The following TALDO1 variants were observed in gnomAD, a reference collection of about 807,000 sequenced individuals.
TALDO1 encodes the protein transaldolase 1, also known as transaldolase.
A neutral mutation model predicts 38.1 loss-of-function variants in TALDO1; 29 were observed. The ratio of observed to expected loss-of-function variants is 0.76; its 90% confidence interval spans 0.57 to 1.04. The LOEUF (loss-of-function observed/expected upper bound fraction) is 1.04, where lower values mean the gene tolerates loss of function less well. Among genes scored for constraint, TALDO1 ranks in the 50% least tolerant of loss-of-function variants. The pLI is 0.00. For missense variants in TALDO1, 499 were observed against 438.1 expected, an observed-to-expected ratio of 1.14 and a Z score of -1.24; for synonymous variants, 207 against 176.8, an observed-to-expected ratio of 1.17 and a Z score of -1.36.
At chr11:758,666 A>G (rs1326307431) in intron 2 of TALDO1, among the ~76,000 whole-genome samples, 9 of 150,848 alleles carry the variant, frequency 6.0e-5, no homozygotes, top group Non-Finnish European at 1.0e-4. Flanking sequence ...GTGCAGTGGC[A>G]CGATCTCTGC....
rs771490841 is a variant in TALDO1, at chr11:763,522, G to A, written c.637+3G>A. ...CTATGAGCCCCTGGAAGACCCTGGT[G>A]AGGGTCCCTCTGTGGTAATGGGGTA... is the stretch of plus-strand genomic sequence containing the variant. On this transcript the variant is annotated splice_donor_region_variant and intron_variant, in intron 5 of 7. Transcript: ENST00000319006. 1 of 1,613,748 alleles carries A rather than the reference G, an allele frequency of 6.2e-7. No individual in the cohort carries two copies. Among genetic ancestry groups the A allele is most frequent in the Non-Finnish European group, 8.5e-7 (1 of 1,179,940 alleles).
At chr11:753,503 C>T (rs986291295) in intron 1 of TALDO1, among the ~76,000 whole-genome samples, 3 of 151,234 alleles carry the variant, frequency 2.0e-5, no homozygotes, top group African/African-American at 7.3e-5. Context: ...TGCAGTCCGG[C>T]GTGGGTGAAA....
At chr11:759,102 A>C (rs1862890743) in intron 3 of TALDO1, 45 bp downstream of exon 3, 2 of 1,514,780 alleles carry the variant, frequency 1.3e-6, no homozygotes, top group Non-Finnish European at 1.8e-6. Context: ...TCAGGTGTCC[A>C]CAGTTGCACA....
At chr11:748,031 C>T (rs1182061538) in intron 1 of TALDO1, among the ~76,000 whole-genome samples, 1 of 152,250 alleles carries the variant, frequency 6.6e-6, no homozygotes, top group Non-Finnish European at 1.5e-5. Flanking sequence ...GGGCAGCCCG[C>T]GGGAGCCCCT....
chr11:762,572 A>G (rs1049865324), intron 4 of TALDO1, among the ~76,000 whole-genome samples: 3 of 152,170 alleles, frequency 2.0e-5, no homozygotes, highest in African/African-American at 7.2e-5. Flanking sequence ...CTGTTTCCCA[A>G]CTCAGCTGTG....
intron 1 of TALDO1, among the ~76,000 whole-genome samples, chr11:750,224 A>C (rs537213158): frequency 6.6e-6 from 1 of 152,000 alleles, no homozygotes; most frequent in African/African-American, 2.4e-5. Flanking sequence ...TTCCTTGGCA[A>C]CCTCTAACCT....
intron 4 of TALDO1, 119 bp from the exon 5 acceptor site, chr11:763,222 CCCG>C: frequency 1.5e-5 from 2 of 134,328 alleles, no homozygotes; most frequent in South Asian, 1.7e-4. Flanking sequence ...CTCACCTGCC[CCCG>C]CCCTCACCCG....
At chr11:755,799 G>T in intron 1 of TALDO1, 80 bp from the exon 2 acceptor site, 1 of 1,608,886 alleles carries the variant, frequency 6.2e-7, no homozygotes, top group East Asian at 2.2e-5. Context: ...ACGTCCTGGG[G>T]AATTACAGGG....
intron 1 of TALDO1, among the ~76,000 whole-genome samples, chr11:753,633 A>G (rs1289280583): frequency 6.6e-6 from 1 of 151,754 alleles, no homozygotes; most frequent in Non-Finnish European, 1.5e-5. Context: ...CTGAGGCAGG[A>G]GAATTACTTG....
At chr11:748,116 T>C (rs181240966) in intron 1 of TALDO1, among the ~76,000 whole-genome samples, 1 of 152,274 alleles carries the variant, frequency 6.6e-6, no homozygotes, top group Non-Finnish European at 1.5e-5. Flanking sequence ...AGCTTCGAGC[T>C]GACTTCCACG....
rs1862694240 is a variant in TALDO1 at position 748,387 on chromosome 11, G to A, written c.97+809G>A. Among the ~76,000 whole-genome samples the A allele has an allele frequency of 2.0e-5, 3 of 149,944 alleles. No individual in the cohort carries two copies. The South Asian group carries it at 6.3e-4, about 31-fold the overall frequency. On this transcript the variant is annotated intron_variant, in intron 1 of 7. Transcript: ENST00000319006. Reference sequence around the variant, plus strand: ...TACTGGATTTTCCTGGGCTTGAGTTGTTTACATTGGAGAGAACTTGGAAAA... The same window carrying A: ...TACTGGATTTTCCTGGGCTTGAGTTATTTACATTGGAGAGAACTTGGAAAA...
At chr11:750,336 A>G (rs1055305952) in intron 1 of TALDO1, among the ~76,000 whole-genome samples, 8 of 152,030 alleles carry the variant, frequency 5.3e-5, no homozygotes, top group Non-Finnish European at 1.0e-4. Flanking sequence ...AGGAAGAAAA[A>G]AAAATAGCCA....
At chr11:759,986 G>T in intron 3 of TALDO1, 136 bp from the exon 4 acceptor site, 1 of 1,231,764 alleles carries the variant, frequency 8.1e-7, no homozygotes. Flanking sequence ...CTCCAGTGAG[G>T]GGAAGGTTGA....
chr11:755,766 C>A, intron 1 of TALDO1, 113 bp from the exon 2 acceptor site: 1 of 1,533,634 alleles, frequency 6.5e-7, no homozygotes, highest in South Asian at 1.1e-5. Context: ...ACCCCGCTTT[C>A]GGAAATGCTC....
Position 748,806 on chromosome 11 carries a change from C to A in TALDO1, c.97+1228C>A, listed in dbSNP as rs143264936. Among the ~76,000 whole-genome samples the A allele has an allele frequency of 4.8e-3, 726 of 152,304 alleles. 5 individuals are homozygous for A. Among genetic ancestry groups the A allele is most frequent in the African/African-American group, 0.017 (695 of 41,564 alleles). On this transcript the variant is annotated intron_variant, in intron 1 of 7. Transcript: ENST00000319006. ...GCTGTGAATCCCTCACACACACAGC[C>A]CCCCCGTTGTAGTCCAGACCTCTCT...
chr11:763,309 CACCT>C lies in TALDO1; in HGVS notation c.462-34_462-31del. The C allele has an allele frequency of 2.6e-6, 2 of 782,632 alleles. 1 individual carries two copies. 48.5% of individuals were successfully genotyped at this position (782,632 alleles called of 1,614,324 possible). On this transcript the variant is annotated intron_variant, in intron 4 of 7. Transcript: ENST00000319006. ...CCCCGCCCTCACCTGTCCCCGCCCT[CACCT>C]GCCCCGCCCTCACCTGTCCCCGCCC...
rs200473365 is a variant in TALDO1, at chr11:764,422, C to T, written c.970C>T (p.Arg324Trp). ...TGCCGCTGATGCAGTGAAGCTGGAG[C>T]GGATGCTGACAGTGAGTGTTGTGTG... ...KFAADAVKLE[R>W]MLTERMFNAE... The change falls in exon 7 of 8, where the codon CGG becomes TGG. Residue 324 changes from arginine to tryptophan, a missense_variant. Coordinates refer to ENST00000319006, the MANE Select transcript of TALDO1 (RefSeq NM_006755.2). The T allele has an allele frequency of 1.2e-4, 191 of 1,614,070 alleles. No homozygotes were observed. The highest frequency in any genetic ancestry group is 1.6e-4 in the Middle Eastern group (1 of 6,084).
At chr11:753,584 C>A (rs547675020) in intron 1 of TALDO1, among the ~76,000 whole-genome samples, 1 of 151,370 alleles carries the variant, frequency 6.6e-6, no homozygotes, top group Non-Finnish European at 1.5e-5. Flanking sequence ...CATAGCCTGG[C>A]GTGGTGGCTC....
intron 1 of TALDO1, among the ~76,000 whole-genome samples, chr11:753,400 G>A (rs947440042): frequency 4.6e-5 from 7 of 152,060 alleles, no homozygotes; most frequent in African/African-American, 1.2e-4. Flanking sequence ...CCGCAGTGGC[G>A]GGCGCCTGTA....
Sources: allele counts gnomAD v4.1 joint callset (sites outside exome capture counted in the v4.1 genomes callset), GRCh38; gene constraint gnomAD v4.1.1; transcripts MANE v1.5; gene names NCBI Gene and HGNC (gene_info 2026-07-23, HGNC 2026-07-21).